The following CCDC150 variants were observed in gnomAD, a reference collection of about 807,000 sequenced individuals.
CCDC150 encodes the protein coiled-coil domain containing 150.
CCDC150 carries 151 observed loss-of-function variants against 156.5 expected under a neutral mutation model. That is an observed-to-expected ratio of 0.97 (90% CI 0.85 to 1.10). CCDC150 has a LOEUF of 1.10. CCDC150 is among the 50% of genes least tolerant of loss of function. The pLI is 0.00. For synonymous variants in CCDC150, 452 were observed against 429.4 expected (o/e 1.05, Z -0.65); for missense variants, 1,312 against 1,268.1 (o/e 1.03, Z -0.53).
intron 23 of CCDC150, 111 bp from the exon 24 acceptor site, chr2:196,729,682 A>G: frequency 2.6e-6 from 2 of 764,306 alleles, no homozygotes; most frequent in East Asian, 5.3e-5. Context: ...CTCAGCAGGA[A>G]CTGGTAACTT....
chr2:196,695,827 AT>A (rs1443133823), intron 14 of CCDC150, among the ~76,000 whole-genome samples: 2 of 152,008 alleles, frequency 1.3e-5, no homozygotes, highest in Non-Finnish European at 2.9e-5. Flanking sequence ...AAAAAAAAAA[AT>A]CTTCTCCAAG....
At chr2:196,653,578 T>C (rs1575758198) in intron 2 of CCDC150, among the ~76,000 whole-genome samples, 1 of 152,202 alleles carries the variant, frequency 6.6e-6, no homozygotes, top group East Asian at 1.9e-4. Context: ...ATTTCTGTCA[T>C]CTAAGACCTC....
At position 196,729,276 on chromosome 2, in the gene CCDC150, G is replaced by A; in HGVS notation, c.2640G>A (p.Glu880=). ...TNRELRQKLA[E]LEKILESNKE... ...GAGAGCTGCGACAGAAACTTGCAGA[G>A]CTAGAAAAAATACTAGAAAGTAACA... Residue 880 remains glutamate (E), a synonymous_variant, in exon 23 of 28, where the codon GAG becomes GAA. Coordinates refer to ENST00000389175, the MANE Select transcript of CCDC150 (RefSeq NM_001080539.2). 1 of 1,613,744 alleles carries A rather than the reference G, an allele frequency of 6.2e-7. No homozygotes were observed. Among genetic ancestry groups the A allele is most frequent in the Non-Finnish European group, 8.5e-7 (1 of 1,179,824 alleles).
chr2:196,686,919 A>G (rs760638720), intron 13 of CCDC150, among the ~76,000 whole-genome samples: 6 of 152,156 alleles, frequency 3.9e-5, no homozygotes, highest in Non-Finnish European at 8.8e-5. Flanking sequence ...AGCTCCATCC[A>G]TGATCACGAG....
rs780568136 is a variant in CCDC150 at position 196,729,283 on chromosome 2, A to G, written c.2647A>G (p.Lys883Glu). ...ELRQKLAELE[K>E]ILESNKEKIK... is the part of the protein sequence containing the mutation. ...GCGACAGAAACTTGCAGAGCTAGAA[A>G]AAATACTAGAAAGTAACAAGGAGAA... is the stretch of plus-strand genomic sequence containing the variant. Residue 883 changes from lysine to glutamate, a missense_variant, in exon 23 of 28, where the codon AAA becomes GAA. By Grantham distance (56) the Lys-to-Glu change is moderately conservative. Transcript: ENST00000389175. 29 of 1,613,866 alleles carry G rather than the reference A, an allele frequency of 1.8e-5. No individual in the cohort carries two copies. Among genetic ancestry groups the G allele is most frequent in the African/African-American group, 2.7e-5 (2 of 74,924 alleles).
At chr2:196,660,675 T>C (rs1693506580) in intron 5 of CCDC150, among the ~76,000 whole-genome samples, 1 of 152,254 alleles carries the variant, frequency 6.6e-6, no homozygotes, top group Non-Finnish European at 1.5e-5. Flanking sequence ...TGTTATGTTT[T>C]AAGACTTCTT....
At chr2:196,720,773 T>C (rs1697833025) in intron 20 of CCDC150, 105 bp downstream of exon 20, 1 of 1,004,362 alleles carries the variant, frequency 1.0e-6, no homozygotes, top group Admixed American at 2.5e-5. Flanking sequence ...AATGTTTTTT[T>C]CAATCAAGTC....
intron 1 of CCDC150, among the ~76,000 whole-genome samples, chr2:196,641,678 T>TGCCCCCC (rs1210558568): frequency 6.7e-6 from 1 of 148,688 alleles, no homozygotes; most frequent in African/African-American, 2.5e-5. Flanking sequence ...ACCCAACCCC[T>TGCCCCCC]GCCCCCCGCC....
At chr2:196,716,741 G>A (rs919813970) in intron 17 of CCDC150, among the ~76,000 whole-genome samples, 1 of 150,872 alleles carries the variant, frequency 6.6e-6, no homozygotes, top group East Asian at 1.9e-4. Context: ...TACACTTTAA[G>A]TATGTGTAGC....
Position 196,718,642 on chromosome 2 carries a change from A to G in CCDC150, c.1995+11A>G, listed in dbSNP as rs1697688182. ...AGGGAAAACAAGAAGGCAAGGAATC[A>G]GTCCCTTCTGACCGTCTGTCACTGA... On this transcript the variant is annotated intron_variant, in intron 18 of 27. Transcript: ENST00000389175. 2 of 1,612,468 alleles carry G rather than the reference A, an allele frequency of 1.2e-6. No individual in the cohort carries two copies. The highest frequency in any genetic ancestry group is 2.2e-5 in the South Asian group (2 of 90,746).
chr2:196,720,474 A>G (rs1697815962), intron 19 of CCDC150, 101 bp from the exon 20 acceptor site: 8 of 832,666 alleles, frequency 9.6e-6, no homozygotes, highest in Non-Finnish European at 1.4e-5. Flanking sequence ...GTATGATGCT[A>G]TTTGAGCTTC....
chr2:196,706,538 T>G (rs1413348341), intron 15 of CCDC150, among the ~76,000 whole-genome samples: 5 of 152,242 alleles, frequency 3.3e-5, no homozygotes, highest in Non-Finnish European at 7.3e-5. Context: ...GGCTAGAACT[T>G]ACAATACTAT....
At chr2:196,715,686 A>G (rs1403319129) in intron 17 of CCDC150, among the ~76,000 whole-genome samples, 1 of 152,216 alleles carries the variant, frequency 6.6e-6, no homozygotes, top group Non-Finnish European at 1.5e-5. Flanking sequence ...TCTTTGCTCC[A>G]TACCTCACAA....
At chr2:196,691,823 C>T (rs185998887) in intron 13 of CCDC150, among the ~76,000 whole-genome samples, 2 of 152,196 alleles carry the variant, frequency 1.3e-5, no homozygotes, top group African/African-American at 2.4e-5. Context: ...GGCCTGTAGT[C>T]CCAGCTACTC....
chr2:196,730,705 A>C (rs1051330612), intron 25 of CCDC150, among the ~76,000 whole-genome samples, 154 bp from the exon 26 acceptor site: 2 of 152,254 alleles, frequency 1.3e-5, no homozygotes, highest in Non-Finnish European at 2.9e-5. Flanking sequence ...TAAGCTGAAA[A>C]TAACAGTTTT....
intron 20 of CCDC150, among the ~76,000 whole-genome samples, 167 bp from the exon 21 acceptor site, chr2:196,721,353 CAT>C (rs1199770615): frequency 9.8e-5 from 13 of 132,992 alleles, no homozygotes; most frequent in South Asian, 2.4e-4. Flanking sequence ...TATGTGTGTG[CAT>C]ATATATATAT....
chr2:196,658,526 A>T (rs1316404535), intron 4 of CCDC150, among the ~76,000 whole-genome samples: 1 of 152,202 alleles, frequency 6.6e-6, no homozygotes, highest in Non-Finnish European at 1.5e-5. Context: ...ATTGAATTTT[A>T]TATAGGAGGT....
chr2:196,718,483 G>T lies in CCDC150; in HGVS notation c.1867-20G>T. ...TCACTGATTTGTAATGTTATTTATT[G>T]TTTCTTTTTTCCTACTTAGGTGAAA... is the stretch of plus-strand genomic sequence containing the variant. On this transcript the variant is annotated intron_variant, in intron 17 of 27. Coordinates refer to ENST00000389175, the MANE Select transcript of CCDC150 (RefSeq NM_001080539.2). 2 of 1,571,984 alleles carry T rather than the reference G, an allele frequency of 1.3e-6. No individual in the cohort carries two copies. The highest frequency in any genetic ancestry group is 1.7e-6 in the Non-Finnish European group (2 of 1,155,126).
chr2:196,688,862 GT>G (rs1476932421), intron 13 of CCDC150, among the ~76,000 whole-genome samples: 1 of 151,360 alleles, frequency 6.6e-6, no homozygotes. Flanking sequence ...TTCTTCTAGG[GT>G]TTTTATGGTT....
Sources: gnomAD v4.1 joint callset for allele counts (sites outside exome capture counted in the v4.1 genomes callset) on GRCh38, gnomAD v4.1.1 for gene constraint, MANE v1.5 for transcripts, NCBI Gene and HGNC (gene_info 2026-07-23, HGNC 2026-07-21) for gene names.